CACNA1H: variants seen among roughly 807,000 people sequenced by gnomAD.
CACNA1H encodes voltage-dependent T-type calcium channel subunit alpha-1H.
A neutral mutation model predicts 192.5 loss-of-function variants in CACNA1H; 149 were observed. That is an observed-to-expected ratio of 0.77 (90% CI 0.68 to 0.89). The LOEUF (loss-of-function observed/expected upper bound fraction) is 0.89. Ranked by LOEUF, CACNA1H falls within the 40% of genes least tolerant of loss-of-function variation. The pLI is 0.00. For synonymous variants in CACNA1H, 2,202 were observed against 1,475.2 expected (o/e 1.49, Z -11.29); for missense variants, 4,257 against 3,423.5 (o/e 1.24, Z -6.08).
chr16:1,188,189 C>T (rs752185570), intron 2 of CACNA1H, among the ~76,000 whole-genome samples: 10 of 152,172 alleles, frequency 6.6e-5, no homozygotes, highest in African/African-American at 2.4e-5. Flanking sequence ...AGGCCCTGGC[C>T]CCAGGATACG....
chr16:1,184,571 C>A (rs186747742), intron 2 of CACNA1H, among the ~76,000 whole-genome samples: 7 of 152,268 alleles, frequency 4.6e-5, no homozygotes, highest in Admixed American at 3.9e-4. Flanking sequence ...CCTGCCCTCT[C>A]GTAGGCATCC....
chr16:1,153,586 C>A lies in CACNA1H; in HGVS notation c.-19+116C>A, dbSNP rs1453423010. ...GAGGGAGGGAGGGGGCGGGCGGGGGCGGGGGGCGCGTTTGTCTCTAATAAG... is the reference window on the plus strand; with the variant it reads ...GAGGGAGGGAGGGGGCGGGCGGGGGAGGGGGGCGCGTTTGTCTCTAATAAG... On this transcript the variant is annotated intron_variant, in intron 1 of 34. Coordinates refer to ENST00000348261, the MANE Select transcript of CACNA1H (RefSeq NM_021098.3). 17 of 334,276 alleles carry A rather than the reference C, an allele frequency of 5.1e-5. No homozygotes were observed. The African/African-American group carries it at 7.8e-4, about 15-fold the overall frequency. The allele number at this position is 334,276 out of a possible 1,614,324, so 20.7% of individuals were successfully genotyped here. A position where few individuals can be genotyped will look rare whatever the true frequency, so the allele number is the denominator to read the frequency against.
chr16:1,163,243 G>T (rs972914613), intron 2 of CACNA1H, among the ~76,000 whole-genome samples: 1 of 152,266 alleles, frequency 6.6e-6, no homozygotes, highest in Non-Finnish European at 1.5e-5. Context: ...CCGTCTGCAG[G>T]GCAGTGGGGG....
At chr16:1,154,731 G>A (rs1962072895) in intron 2 of CACNA1H, among the ~76,000 whole-genome samples, 4 of 152,206 alleles carry the variant, frequency 2.6e-5, no homozygotes, top group Non-Finnish European at 4.4e-5. Flanking sequence ...TGGAGAGGAA[G>A]AGGCAGCCTC....
chr16:1,211,087 C>T, intron 21 of CACNA1H, 81 bp from the exon 22 acceptor site: 3 of 1,575,052 alleles, frequency 1.9e-6, no homozygotes, highest in Non-Finnish European at 2.6e-6. Flanking sequence ...TCGGCCCCAC[C>T]TTGGGACCTT....
chr16:1,178,717 T>C (rs919487886), intron 2 of CACNA1H, among the ~76,000 whole-genome samples: 2 of 152,112 alleles, frequency 1.3e-5, no homozygotes, highest in Non-Finnish European at 2.9e-5. Context: ...TGGCCAAACC[T>C]GGCTCACCCC....
chr16:1,176,458 C>G (rs781060093), intron 2 of CACNA1H, among the ~76,000 whole-genome samples: 1 of 152,198 alleles, frequency 6.6e-6, no homozygotes, highest in African/African-American at 2.4e-5. Context: ...CCCCAGCTGC[C>G]GTCTCTTTCT....
chr16:1,165,457 T>C (rs892916692), intron 2 of CACNA1H, among the ~76,000 whole-genome samples: 4 of 152,206 alleles, frequency 2.6e-5, no homozygotes, highest in Non-Finnish European at 5.9e-5. Context: ...GCCTATGGTC[T>C]CAGGGAGCCG....
intron 2 of CACNA1H, among the ~76,000 whole-genome samples, chr16:1,169,231 A>T (rs1964116635): frequency 1.3e-5 from 2 of 151,804 alleles, no homozygotes; most frequent in South Asian, 4.2e-4. Flanking sequence ...GTGGACGTGG[A>T]CGGGCTTCCT....
At position 1,154,624 on chromosome 16, in the gene CACNA1H, G is replaced by A. The variant is rs1050281114; in HGVS notation, c.299+588G>A. On this transcript the variant is annotated intron_variant, in intron 2 of 34. Coordinates refer to ENST00000348261, the MANE Select transcript of CACNA1H (RefSeq NM_021098.3). ...GCTTTTTCTGGCTGAACTCGGTGGC[G>A]GGGCTGACTTAAGTCATGCGCAGCT... is the stretch of plus-strand genomic sequence containing the variant. 2.6e-5 allele frequency among the ~76,000 whole-genome samples: 4 copies of A among 152,158 alleles called. No individual in the cohort carries two copies. In the East Asian group the frequency reaches 5.8e-4, roughly 22 times the overall value.
chr16:1,213,771 T>G lies in CACNA1H; in HGVS notation c.4778-9T>G. 6.5e-7 allele frequency: 1 copy of G among 1,541,268 alleles called. No individual in the cohort carries two copies. The highest frequency in any genetic ancestry group is 8.7e-7 in the Non-Finnish European group (1 of 1,145,888). On this transcript the variant is annotated splice_polypyrimidine_tract_variant and intron_variant, in intron 26 of 34. Coordinates refer to ENST00000348261, the MANE Select transcript of CACNA1H (RefSeq NM_021098.3). ...TCCTGCCCGGCGCTCATGGCCGCCC[T>G]CCCCGCAGAGGCCCAGCGCCGGCCC...
At chr16:1,214,471 C>T (rs1320697722) in intron 27 of CACNA1H, among the ~76,000 whole-genome samples, 1 of 152,158 alleles carries the variant, frequency 6.6e-6, no homozygotes, top group East Asian at 1.9e-4. Context: ...GATCTTCCCT[C>T]TCCGGAGGTT....
chr16:1,193,306 C>T (rs1197468965), intron 2 of CACNA1H, among the ~76,000 whole-genome samples: 2 of 152,368 alleles, frequency 1.3e-5, no homozygotes, highest in East Asian at 1.9e-4. Flanking sequence ...GGGGCGGAGC[C>T]GCCATCCACC....
intron 31 of CACNA1H, 50 bp from the exon 32 acceptor site, chr16:1,217,869 C>G: frequency 6.5e-7 from 1 of 1,544,582 alleles, no homozygotes; most frequent in Non-Finnish European, 8.8e-7. Context: ...CATGTCCCGC[C>G]TCCACCCGGA....
At chr16:1,209,610 T>C in intron 17 of CACNA1H, 198 bp downstream of exon 17, 1 of 682,228 alleles carries the variant, frequency 1.5e-6, no homozygotes, top group African/African-American at 1.8e-5. Flanking sequence ...GTCCCCCCTC[T>C]GCCGTCTAGG....
At chr16:1,202,631 C>T (rs982335576) in intron 9 of CACNA1H, among the ~76,000 whole-genome samples, 179 bp downstream of exon 9, 2 of 152,114 alleles carry the variant, frequency 1.3e-5, no homozygotes, top group African/African-American at 2.4e-5. Flanking sequence ...AGGTCCCGCC[C>T]CTGACAGCGC....
Position 1,202,472 on chromosome 16 carries a change from C to T in CACNA1H, c.2002+20C>T. Reference sequence around the variant, plus strand: ...AGCATGGTGAGGACCCAGCCCCACCCCACGGAGGAGGCGGTGGGACCTAGG... The same window carrying T: ...AGCATGGTGAGGACCCAGCCCCACCTCACGGAGGAGGCGGTGGGACCTAGG... On this transcript the variant is annotated intron_variant, in intron 9 of 34. Transcript: ENST00000348261. 6.8e-7 allele frequency: 1 copy of T among 1,463,974 alleles called. No homozygotes were observed. The highest frequency in any genetic ancestry group is 9.0e-7 in the Non-Finnish European group (1 of 1,105,442). The allele number at this position is 1,463,974 out of a possible 1,614,324, so 90.7% of individuals were successfully genotyped here. A position where few individuals can be genotyped will look rare whatever the true frequency, so the allele number is the denominator to read the frequency against.
At position 1,200,817 on chromosome 16, in the gene CACNA1H, G is replaced by C; in HGVS notation, c.1212+9G>C. 1.3e-6 allele frequency: 2 copies of C among 1,549,666 alleles called. No homozygotes were observed. The highest frequency in any genetic ancestry group is 1.7e-6 in the Non-Finnish European group (2 of 1,145,652). On this transcript the variant is annotated intron_variant, in intron 8 of 34. Coordinates refer to ENST00000348261, the MANE Select transcript of CACNA1H (RefSeq NM_021098.3). ...TCATCCTGCTCATCATCGTGAGTGT[G>C]GGCGGCAGTGTTCGCCATGATGGGC...
Position 1,167,489 on chromosome 16 carries a change from C to T in CACNA1H, c.299+13453C>T, listed in dbSNP as rs1208208227. 1.3e-5 allele frequency among the ~76,000 whole-genome samples: 2 copies of T among 152,156 alleles called. No individual in the cohort carries two copies. Among genetic ancestry groups the T allele is most frequent in the Non-Finnish European group, 2.9e-5 (2 of 68,026 alleles). ...AAAAAAATTATTAATGAGCTTGGTG[C>T]GGTTGCCATGGGAACCTGTTGCTAA... On this transcript the variant is annotated intron_variant, in intron 2 of 34. Coordinates refer to ENST00000348261, the MANE Select transcript of CACNA1H (RefSeq NM_021098.3). This position sits in a 1 kb window ranked among gnomAD's most constrained non-coding sequence, Gnocchi z 4.2.
Sources: allele counts gnomAD v4.1 joint callset (sites outside exome capture counted in the v4.1 genomes callset), GRCh38; gene constraint gnomAD v4.1.1; non-coding constraint Gnocchi (gnomAD v3.1); transcripts MANE v1.5; gene names NCBI Gene and HGNC (gene_info 2026-07-23, HGNC 2026-07-21).